Variants in RUFY1 observed in about 807,000 individuals in gnomAD.
RUFY1 encodes the protein RUN and FYVE domain containing 1.
A neutral mutation model predicts 94.6 loss-of-function variants in RUFY1; 54 were observed. The observed-to-expected ratio is 0.57, with a 90% CI of 0.46 to 0.72. The LOEUF (loss-of-function observed/expected upper bound fraction) is 0.72, where lower values mean the gene tolerates loss of function less well. RUFY1 is among the 30% of genes least tolerant of loss of function. The probability of loss-of-function intolerance (pLI) is 0.00; values close to 1 mark genes in which losing one functional copy is unlikely to be tolerated. For missense variants in RUFY1, 883 were observed against 883.9 expected (o/e 1.00, Z 0.01); for synonymous variants, 396 against 347.3 (o/e 1.14, Z -1.56).
chr5:179,598,602 C>T (rs1338327547), intron 13 of RUFY1, 90 bp from the exon 14 acceptor site: 2 of 1,476,942 alleles, frequency 1.4e-6, no homozygotes, highest in Non-Finnish European at 1.9e-6. Flanking sequence ...AATTCAGAGA[C>T]TTCCCTGTTT....
rs199878843 is a variant in RUFY1, at chr5:179,564,916, T to C, written c.602+2252T>C. ...AAGTAAAGTCCTCTGTGTACTGATA[T>C]GGAAAGATTTTCAAGATGACAGATA... On this transcript the variant is annotated intron_variant, in intron 3 of 17. Coordinates refer to ENST00000319449, the MANE Select transcript of RUFY1 (RefSeq NM_025158.5). Among the ~76,000 whole-genome samples the C allele has an allele frequency of 1.1e-4, 16 of 152,210 alleles. No individual in the cohort carries two copies. In the East Asian group the frequency reaches 2.5e-3, roughly 24 times the overall value.
chr5:179,589,163 A>C (rs1182826337), intron 8 of RUFY1, among the ~76,000 whole-genome samples: 1 of 152,148 alleles, frequency 6.6e-6, no homozygotes, highest in East Asian at 1.9e-4. Flanking sequence ...AGTTTTTGTA[A>C]ACATTTTATT....
intron 11 of RUFY1, 47 bp downstream of exon 11, chr5:179,593,692 C>T (rs1263751866): frequency 4.4e-6 from 7 of 1,591,508 alleles, no homozygotes; most frequent in Admixed American, 1.8e-5. Flanking sequence ...TTCTGCTGCT[C>T]GCCAGTCTTG....
intron 3 of RUFY1, among the ~76,000 whole-genome samples, chr5:179,563,702 C>A (rs1235172697): frequency 6.6e-6 from 1 of 151,744 alleles, no homozygotes; most frequent in Non-Finnish European, 1.5e-5. Context: ...GAGAAGGAGT[C>A]TCACTCTTGC....
chr5:179,599,664 A>T (rs973213045), intron 14 of RUFY1: 1 of 152,350 alleles, frequency 6.6e-6, no homozygotes, highest in Non-Finnish European at 1.5e-5. Context: ...CTGTTTTCCC[A>T]GAGGGGAGGA....
At chr5:179,596,713 T>C in intron 13 of RUFY1, 32 bp downstream of exon 13, 1 of 1,370,650 alleles carries the variant, frequency 7.3e-7, no homozygotes, top group Non-Finnish European at 9.6e-7. Context: ...TGGGCTGGGG[T>C]GTGGCTCAGG....
intron 13 of RUFY1, among the ~76,000 whole-genome samples, 171 bp from the exon 14 acceptor site, chr5:179,598,521 T>G (rs528844618): frequency 6.6e-6 from 1 of 152,322 alleles, no homozygotes; most frequent in Admixed American, 6.5e-5. Context: ...GTTCCTGCTC[T>G]TTCTTGTGGA....
At chr5:179,597,915 C>T (rs1035997220) in intron 13 of RUFY1, among the ~76,000 whole-genome samples, 1 of 152,058 alleles carries the variant, frequency 6.6e-6, no homozygotes, top group Non-Finnish European at 1.5e-5. Context: ...TGAGGCCGGG[C>T]GCGGTGGCTC....
At chr5:179,551,120 C>G (rs1468705775) in intron 1 of RUFY1, among the ~76,000 whole-genome samples, 1 of 152,190 alleles carries the variant, frequency 6.6e-6, no homozygotes, top group Non-Finnish European at 1.5e-5. Flanking sequence ...TGCTCTCCCA[C>G]TAACTAGGTG....
rs200817886 is a variant in RUFY1, at chr5:179,596,673, C to T, written c.1623C>T (p.His541=). 3.0e-5 allele frequency: 48 copies of T among 1,600,746 alleles called. No homozygotes were observed. The highest frequency in any genetic ancestry group is 1.5e-4 in the South Asian group (13 of 89,470). The change falls in exon 13 of 18, where the codon CAC becomes CAT. Residue 541 remains histidine (H), a synonymous_variant. Coordinates refer to ENST00000319449, the MANE Select transcript of RUFY1 (RefSeq NM_025158.5). The part of the protein sequence containing the change: ...GALQLQLSQL[H]EQCSSLEKEL... The stretch of plus-strand genomic sequence containing the variant: ...TGCAGCTGCAGCTCTCCCAGCTGCA[C>T]GAGCAATGGTAGGGGCCCTGCAGGG...
chr5:179,556,185 A>G (rs918186904), intron 1 of RUFY1, among the ~76,000 whole-genome samples: 3 of 152,206 alleles, frequency 2.0e-5, no homozygotes, highest in Non-Finnish European at 4.4e-5. Flanking sequence ...CATCTTTAAA[A>G]TAGCAAGTTA....
intron 14 of RUFY1, chr5:179,599,614 G>A (rs954055357): frequency 1.1e-4 from 16 of 152,350 alleles, no homozygotes; most frequent in South Asian, 2.1e-4. Flanking sequence ...AGGAAACTCC[G>A]AGGCCGTGTG....
At chr5:179,592,499 G>T (rs957019365) in intron 10 of RUFY1, among the ~76,000 whole-genome samples, 2 of 152,164 alleles carry the variant, frequency 1.3e-5, no homozygotes, top group African/African-American at 4.8e-5. Context: ...TGATCCACCT[G>T]CCTCGGCATC....
chr5:179,608,739 A>G (rs1370647212), intron 17 of RUFY1: 1 of 536,060 alleles, frequency 1.9e-6, no homozygotes, highest in African/African-American at 2.1e-5. Context: ...CAGTCTGGCC[A>G]AGATGGTGAA....
chr5:179,598,677 A>G lies in RUFY1; in HGVS notation c.1632-15A>G. 6.2e-7 allele frequency: 1 copy of G among 1,614,098 alleles called. No homozygotes were observed. The highest frequency in any genetic ancestry group is 8.5e-7 in the Non-Finnish European group (1 of 1,180,002). On this transcript the variant is annotated splice_polypyrimidine_tract_variant and intron_variant, in intron 13 of 17. Transcript: ENST00000319449. The stretch of plus-strand genomic sequence containing the variant: ...CTCCCACTGAGACTAACTCAAGTTC[A>G]TTTTGGGAAAACAGCTCAAGCCTGG...
chr5:179,590,264 G>C lies in RUFY1; in HGVS notation c.1128+617G>C, dbSNP rs567638823. Among the ~76,000 whole-genome samples the C allele has an allele frequency of 2.0e-5, 3 of 151,618 alleles. No individual in the cohort carries two copies. The South Asian group carries it at 6.3e-4, about 32-fold the overall frequency. Reference sequence around the variant, plus strand: ...AGCTGCTCGGGAGGCTGAGGCAGGAGAATGGTGTGAACCCGGGAGATGGAG... The same window carrying C: ...AGCTGCTCGGGAGGCTGAGGCAGGACAATGGTGTGAACCCGGGAGATGGAG... On this transcript the variant is annotated intron_variant, in intron 9 of 17. Transcript: ENST00000319449.
rs1462228579 is a variant in RUFY1 at position 179,607,593 on chromosome 5, G to C, written c.1917G>C (p.Trp639Cys). 6.2e-7 allele frequency: 1 copy of C among 1,614,114 alleles called. No individual in the cohort carries two copies. Among genetic ancestry groups the C allele is most frequent in the Non-Finnish European group, 8.5e-7 (1 of 1,180,040 alleles). ...CCTTTCCTCTTCAGGGCCACGCCTG[G>C]CTGAAAGATGACGAAGCGACACACT... The part of the protein sequence containing the change: ...EVNQALKGHA[W>C]LKDDEATHCR... Residue 639 changes from tryptophan to cysteine, a missense_variant, in exon 17 of 18, where the codon TGG (tryptophan) becomes TGC (cysteine). Trp to Cys is a radical substitution (Grantham distance 215). Coordinates refer to ENST00000319449, the MANE Select transcript of RUFY1 (RefSeq NM_025158.5).
chr5:179,597,520 G>A (rs1330130877), intron 13 of RUFY1, among the ~76,000 whole-genome samples: 3 of 152,038 alleles, frequency 2.0e-5, no homozygotes, highest in African/African-American at 7.2e-5. Context: ...ACAGGCGTGA[G>A]CCACTGCGCC....
At chr5:179,566,648 G>T (rs1762854840) in intron 3 of RUFY1, among the ~76,000 whole-genome samples, 1 of 151,072 alleles carries the variant, frequency 6.6e-6, no homozygotes, top group South Asian at 2.1e-4. Context: ...AAAAAGATTG[G>T]TTCCACAACA....
Sources: allele counts gnomAD v4.1 joint callset (sites outside exome capture counted in the v4.1 genomes callset), GRCh38; gene constraint gnomAD v4.1.1; transcripts MANE v1.5; gene names NCBI Gene and HGNC (gene_info 2026-07-23, HGNC 2026-07-21).